MANBA: variants seen among roughly 807,000 people sequenced by gnomAD.
MANBA encodes the protein beta-mannosidase.
In MANBA, 83 loss-of-function variants were observed where a neutral mutation model predicts 111.1. The observed-to-expected ratio is 0.75, with a 90% CI of 0.63 to 0.90. The LOEUF (loss-of-function observed/expected upper bound fraction) is 0.90. MANBA is among the 40% of genes least tolerant of loss of function. The pLI is 0.00. For missense variants in MANBA, 1,036 were observed against 1,069.0 expected, an observed-to-expected ratio of 0.97 and a Z score of 0.43; for synonymous variants, 370 against 378.7, an observed-to-expected ratio of 0.98 and a Z score of 0.27.
chr4:102,728,907 G>T, intron 1 of MANBA: 1 of 752,376 alleles, frequency 1.3e-6, no homozygotes, highest in Non-Finnish European at 2.4e-6. Context: ...GCCGAGCTCA[G>T]ATCACCTGCA....
Position 102,671,124 on chromosome 4 carries a change from A to G in MANBA, c.1230+157T>C, listed in dbSNP as rs944634833. On this transcript the variant is annotated intron_variant, in intron 9 of 16. Transcript: ENST00000647097. Reference sequence around the variant, plus strand: ...AAATAATTATGGTAGTTGATCACCTATGGCTCTTGGTTTACAAGATGCCAT... The same window carrying G: ...AAATAATTATGGTAGTTGATCACCTGTGGCTCTTGGTTTACAAGATGCCAT... 1.8e-4 allele frequency: 110 copies of G among 627,100 alleles called. No individual in the cohort carries two copies. The African/African-American group carries it at 1.8e-3, about 11-fold the overall frequency. The allele number at this position is 627,100 out of a possible 1,614,324, so 38.8% of individuals were successfully genotyped here. A position where few individuals can be genotyped will look rare whatever the true frequency, so the allele number is the denominator to read the frequency against.
intron 1 of MANBA, among the ~76,000 whole-genome samples, chr4:102,746,423 A>G (rs139356459): frequency 6.6e-6 from 1 of 152,180 alleles, no homozygotes; most frequent in Non-Finnish European, 1.5e-5. Flanking sequence ...GAGGCTCAGT[A>G]CTACTTCTGA....
At chr4:102,718,099 C>A (rs1187130025) in intron 4 of MANBA, among the ~76,000 whole-genome samples, 1 of 152,158 alleles carries the variant, frequency 6.6e-6, no homozygotes, top group East Asian at 1.9e-4. Context: ...TTCACATCAT[C>A]AAGAGGACTA....
chr4:102,689,378 A>G (rs1041613131), intron 7 of MANBA, among the ~76,000 whole-genome samples, 196 bp downstream of exon 7: 54 of 140,232 alleles, frequency 3.9e-4, no homozygotes, highest in Admixed American at 4.9e-4. Context: ...ATATATATAT[A>G]TGTGTGTGTG....
intron 1 of MANBA, chr4:102,751,335 T>C: frequency 2.9e-6 from 1 of 349,724 alleles, no homozygotes; most frequent in Non-Finnish European, 5.6e-6. Flanking sequence ...GGCCTCTTTG[T>C]AGTTAAGAGA....
At chr4:102,758,551 CTTTTT>C (rs374542775) in intron 1 of MANBA, among the ~76,000 whole-genome samples, 1 of 137,136 alleles carries the variant, frequency 7.3e-6, no homozygotes, top group African/African-American at 2.7e-5. Context: ...TACTTTTTTT[CTTTTT>C]TTTTTTTTTT....
intron 1 of MANBA, among the ~76,000 whole-genome samples, chr4:102,742,134 C>T (rs982111725): frequency 5.3e-5 from 8 of 152,160 alleles, no homozygotes; most frequent in African/African-American, 1.7e-4. Context: ...GTCAATCACC[C>T]TAGCCAACAC....
At chr4:102,679,754 T>C (rs1346924952) in intron 7 of MANBA, 1 of 152,154 alleles carries the variant, frequency 6.6e-6, no homozygotes, top group Non-Finnish European at 1.5e-5. Flanking sequence ...AGAAATGTTC[T>C]TCCAGATGAG....
At chr4:102,677,500 C>T (rs953160190) in intron 7 of MANBA, among the ~76,000 whole-genome samples, 3 of 152,000 alleles carry the variant, frequency 2.0e-5, no homozygotes, top group African/African-American at 4.8e-5. Flanking sequence ...TACAATATCA[C>T]ATAATATGGG....
intron 7 of MANBA, chr4:102,679,646 ATCT>A (rs1433090905): frequency 3.3e-5 from 5 of 152,244 alleles, no homozygotes; most frequent in Admixed American, 2.0e-4. Flanking sequence ...CTCAAAATTG[ATCT>A]TCTTTGGACA....
rs531693042 is a variant in MANBA, at chr4:102,646,890, T to A, written c.1869+3647A>T. ...AAGACAAAGAGAAGATAGGGAAGGA[T>A]CCAAACGTGAAGAAATTTACTGGAC... On this transcript the variant is annotated intron_variant, in intron 13 of 16. Transcript: ENST00000647097. Among the ~76,000 whole-genome samples, 5 of 152,146 alleles carry A rather than the reference T, an allele frequency of 3.3e-5. No homozygotes were observed. In the East Asian group the frequency reaches 7.7e-4, roughly 23 times the overall value.
chr4:102,730,633 G>A (rs546114989), intron 1 of MANBA: 14 of 541,508 alleles, frequency 2.6e-5, no homozygotes, highest in African/African-American at 1.5e-4. Context: ...GTCTGAGGCC[G>A]CCTCCAGCTC....
At chr4:102,701,584 G>T (rs1733048430) in intron 5 of MANBA, among the ~76,000 whole-genome samples, 2 of 151,220 alleles carry the variant, frequency 1.3e-5, no homozygotes, top group East Asian at 1.9e-4. Flanking sequence ...GCATTTGCTT[G>T]TCTGTAAAGG....
chr4:102,760,851 C>A lies in MANBA; in HGVS notation c.44G>T (p.Gly15Val). 6.4e-7 allele frequency: 1 copy of A among 1,571,390 alleles called. No homozygotes were observed. The highest frequency in any genetic ancestry group is 1.8e-5 in the Admixed American group (1 of 54,442). ...LLLLLALCGA[G>V]TTAAELSYSL... ...GTAACTGAGCTCCGCGGCGGTGGTGCCTGCACCGCACAGCGCGAGCAGCAG... is the reference window on the plus strand; with the variant it reads ...GTAACTGAGCTCCGCGGCGGTGGTGACTGCACCGCACAGCGCGAGCAGCAG... The change falls in exon 1 of 17, where the codon GGC becomes GTC. Residue 15 changes from glycine to valine, a missense_variant. Gly to Val is a moderately radical substitution (Grantham distance 109). Transcript: ENST00000647097.
intron 13 of MANBA, among the ~76,000 whole-genome samples, chr4:102,640,755 T>C (rs771020960): frequency 2.0e-5 from 3 of 152,134 alleles, no homozygotes; most frequent in Non-Finnish European, 4.4e-5. Flanking sequence ...GTCGAGACGC[T>C]TTCCCATAAA....
At chr4:102,702,568 T>C (rs1733108899) in intron 5 of MANBA, among the ~76,000 whole-genome samples, 1 of 152,168 alleles carries the variant, frequency 6.6e-6, no homozygotes, top group Non-Finnish European at 1.5e-5. Flanking sequence ...TTAGTTTTCC[T>C]TCTAACAGAC....
intron 1 of MANBA, among the ~76,000 whole-genome samples, chr4:102,732,715 C>G (rs1448933008): frequency 6.6e-6 from 1 of 152,210 alleles, no homozygotes; most frequent in Non-Finnish European, 1.5e-5. Context: ...GCCCAGCCAA[C>G]TTATCTCCCA....
At chr4:102,725,479 G>T (rs1391593961) in intron 2 of MANBA, among the ~76,000 whole-genome samples, 2 of 152,164 alleles carry the variant, frequency 1.3e-5, no homozygotes. Context: ...CCAAGGGGCA[G>T]AGAGGTGCGG....
chr4:102,696,993 T>C (rs1340649872), intron 5 of MANBA, among the ~76,000 whole-genome samples: 1 of 152,192 alleles, frequency 6.6e-6, no homozygotes, highest in African/African-American at 2.4e-5. Flanking sequence ...TTAAAACAGC[T>C]GTTTTCCCTC....
Sources: gnomAD v4.1 joint callset for allele counts (sites outside exome capture counted in the v4.1 genomes callset) on GRCh38, gnomAD v4.1.1 for gene constraint, MANE v1.5 for transcripts, NCBI Gene and HGNC (gene_info 2026-07-23, HGNC 2026-07-21) for gene names.